Variants in NECAB1 observed in about 807,000 individuals in gnomAD.
NECAB1 encodes N-terminal EF-hand calcium binding protein 1, also known as N-terminal EF-hand calcium-binding protein 1.
NECAB1 carries 29 observed loss-of-function variants against 57.5 expected under a neutral mutation model. The ratio of observed to expected loss-of-function variants is 0.50; its 90% CI spans 0.38 to 0.69. The LOEUF (loss-of-function observed/expected upper bound fraction) is 0.69, where lower values mean the gene tolerates loss of function less well. Ranked by LOEUF, NECAB1 falls within the 30% of genes least tolerant of loss-of-function variation. The pLI is 0.00. For missense variants in NECAB1, 372 were observed against 413.8 expected, an observed-to-expected ratio of 0.90 and a Z score of 0.88; for synonymous variants, 142 against 147.7, an observed-to-expected ratio of 0.96 and a Z score of 0.28.
intron 2 of NECAB1, among the ~76,000 whole-genome samples, chr8:90,810,912 T>C (rs947901385): frequency 2.0e-5 from 3 of 151,980 alleles, no homozygotes; most frequent in Non-Finnish European, 4.4e-5. Flanking sequence ...AGATGAGTCA[T>C]GCACATGGAG....
intron 1 of NECAB1, 140 bp downstream of exon 1, chr8:90,792,125 A>G (rs1052115785): frequency 1.8e-5 from 12 of 672,752 alleles, no homozygotes; most frequent in Non-Finnish European, 2.8e-5. Flanking sequence ...CAAATGCAGG[A>G]GGAACGACTG....
intron 3 of NECAB1, among the ~76,000 whole-genome samples, chr8:90,851,019 T>C (rs1479788776): frequency 6.6e-6 from 1 of 152,144 alleles, no homozygotes; most frequent in Non-Finnish European, 1.5e-5. Flanking sequence ...GGGCTAGAGA[T>C]TGACTCAGTC....
intron 2 of NECAB1, among the ~76,000 whole-genome samples, chr8:90,820,975 A>G (rs1391401999): frequency 6.6e-6 from 1 of 151,858 alleles, no homozygotes; most frequent in Non-Finnish European, 1.5e-5. Context: ...GCATTTACGA[A>G]ATCTGAAACT....
intron 2 of NECAB1, among the ~76,000 whole-genome samples, chr8:90,815,639 T>A (rs1347345634): frequency 6.6e-6 from 1 of 152,052 alleles, no homozygotes; most frequent in East Asian, 1.9e-4. Flanking sequence ...AAAATTGGAA[T>A]CATATATTAT....
chr8:90,905,755 T>A (rs933061573), intron 5 of NECAB1, among the ~76,000 whole-genome samples: 5 of 152,308 alleles, frequency 3.3e-5, no homozygotes, highest in East Asian at 1.9e-4. Flanking sequence ...GTAAGTTAAA[T>A]ACTCTCGTTC....
intron 9 of NECAB1, among the ~76,000 whole-genome samples, chr8:90,937,886 T>A (rs187431680): frequency 5.5e-4 from 84 of 152,276 alleles, no homozygotes; most frequent in African/African-American, 2.0e-3. Flanking sequence ...CATACATTCC[T>A]AAGGGTTTGG....
intron 1 of NECAB1, among the ~76,000 whole-genome samples, chr8:90,795,855 T>C (rs1811651741): frequency 6.6e-6 from 1 of 151,828 alleles, no homozygotes; most frequent in Non-Finnish European, 1.5e-5. Flanking sequence ...CAGCAGAAAT[T>C]AGGAAAAAAA....
At chr8:90,952,422 G>A (rs1440796594) in intron 12 of NECAB1, among the ~76,000 whole-genome samples, 1 of 152,104 alleles carries the variant, frequency 6.6e-6, no homozygotes, top group Non-Finnish European at 1.5e-5. Flanking sequence ...AACCAAAAGA[G>A]TAAAATGCAA....
intron 5 of NECAB1, among the ~76,000 whole-genome samples, chr8:90,908,139 T>A (rs1809739533): frequency 6.6e-6 from 1 of 152,194 alleles, no homozygotes; most frequent in South Asian, 2.1e-4. Flanking sequence ...AAAATAGAAC[T>A]ATCCATCTGA....
intron 2 of NECAB1, among the ~76,000 whole-genome samples, chr8:90,820,516 A>G (rs1253132853): frequency 2.2e-4 from 34 of 152,046 alleles, no homozygotes; most frequent in Non-Finnish European, 2.9e-5. Flanking sequence ...AAAGTAATAC[A>G]TAAGTGAAAA....
Position 90,955,525 on chromosome 8 carries a change from A to G in NECAB1, c.*13A>G, listed in dbSNP as rs752775580. 1 of 1,549,838 alleles carries G rather than the reference A, an allele frequency of 6.5e-7. No homozygotes were observed. Among genetic ancestry groups the G allele is most frequent in the South Asian group, 1.2e-5 (1 of 82,438 alleles). On this transcript the variant is annotated 3_prime_UTR_variant, in exon 13 of 13. Transcript: ENST00000417640. ...CCTGAACAACTAGATGTTCCTAGAC[A>G]TTTTCTTTATGGTTCCAAGTGCAAA...
intron 3 of NECAB1, among the ~76,000 whole-genome samples, chr8:90,864,441 G>C (rs532378521): frequency 1.3e-5 from 2 of 152,080 alleles, no homozygotes; most frequent in African/African-American, 4.8e-5. Context: ...GACTGGAAAT[G>C]TATGTCCCAT....
chr8:90,817,489 GT>G (rs1315473793), intron 2 of NECAB1, among the ~76,000 whole-genome samples: 2 of 151,272 alleles, frequency 1.3e-5, no homozygotes, highest in African/African-American at 2.4e-5. Context: ...AGTTGGAGAA[GT>G]TTTTTTCTAT....
At chr8:90,821,897 A>G (rs568066340) in intron 2 of NECAB1, among the ~76,000 whole-genome samples, 1 of 151,916 alleles carries the variant, frequency 6.6e-6, no homozygotes, top group South Asian at 2.1e-4. Flanking sequence ...CGTGTTAAAA[A>G]CTAAAGATTT....
At chr8:90,908,529 A>G (rs2130071958) in intron 5 of NECAB1, among the ~76,000 whole-genome samples, 1 of 152,274 alleles carries the variant, frequency 6.6e-6, no homozygotes, top group East Asian at 1.9e-4. Context: ...ACTGCCTGCC[A>G]AAGAGTCCTG....
intron 3 of NECAB1, among the ~76,000 whole-genome samples, chr8:90,849,686 ATTTTTTTTTTT>A (rs34779201): frequency 1.8e-4 from 15 of 84,132 alleles, no homozygotes; most frequent in South Asian, 4.7e-4. Flanking sequence ...GTTTCCAGTA[ATTTTTTTTTTT>A]TTTTTTTTTT....
intron 4 of NECAB1, among the ~76,000 whole-genome samples, chr8:90,874,298 T>C (rs1039090240): frequency 5.3e-5 from 8 of 152,236 alleles, no homozygotes; most frequent in African/African-American, 1.9e-4. Context: ...GTTGCAGGTA[T>C]GTAAAACTTT....
In NECAB1 at chr8:90,931,384, G is replaced by A. The variant is rs142639881; in HGVS notation, c.694-2920G>A. ...TTTGATCTTCCCATTAGAAGGAAGT[G>A]TACCTGCAGTGGAACATATGTTATC... On this transcript the variant is annotated intron_variant, in intron 8 of 12. Transcript: ENST00000417640. 9.3e-3 allele frequency among the ~76,000 whole-genome samples: 1,418 copies of A among 152,342 alleles called. 13 individuals carry two copies. Among genetic ancestry groups the A allele is most frequent in the Middle Eastern group, 0.017 (5 of 294 alleles).
Position 90,891,151 on chromosome 8 carries a change from T to G in NECAB1, c.357+10021T>G, listed in dbSNP as rs149793654. Among the ~76,000 whole-genome samples, 619 of 152,294 alleles carry G rather than the reference T, an allele frequency of 4.1e-3. 4 individuals are homozygous for G. The highest frequency in any genetic ancestry group is 7.4e-3 in the Non-Finnish European group (503 of 68,030). Reference sequence around the variant, plus strand: ...ATAGAAATTTGGGGAATACAGAGTGTTTGAAGCATTAAGCAATTTTGGACA... The same window carrying G: ...ATAGAAATTTGGGGAATACAGAGTGGTTGAAGCATTAAGCAATTTTGGACA... On this transcript the variant is annotated intron_variant, in intron 5 of 12. Transcript: ENST00000417640.
Sources: gnomAD v4.1 joint callset for allele counts (sites outside exome capture counted in the v4.1 genomes callset) on GRCh38, gnomAD v4.1.1 for gene constraint, MANE v1.5 for transcripts, NCBI Gene and HGNC (gene_info 2026-07-23, HGNC 2026-07-21) for gene names.